Variants in FADS1 observed in about 807,000 individuals in gnomAD.
The protein encoded by FADS1 is acyl-CoA (8-3)-desaturase.
A neutral mutation model predicts 61.6 loss-of-function variants in FADS1; 17 were observed. The observed-to-expected ratio is 0.28, with a 90% confidence interval of 0.19 to 0.41. The LOEUF is 0.41. Ranked by LOEUF, FADS1 falls within the 10% of genes least tolerant of loss-of-function variation. FADS1 has a pLI of 1.00. For synonymous variants in FADS1, 238 were observed against 258.7 expected (o/e 0.92, Z 0.77); for missense variants, 387 against 650.9 (o/e 0.59, Z 4.41).
rs1188744884 is a variant in FADS1, at chr11:61,802,155, A to G, written c.*256T>C. On this transcript the variant is annotated 3_prime_UTR_variant, in exon 12 of 12. Transcript: ENST00000350997. The surrounding 1 kb of genome is among the most constrained non-coding windows in gnomAD (Gnocchi z 4.2). ...TTCACCAACTACCTGCATGTGCCAA[A>G]CTAGAAAAAGGAAATAATTTACACC... 1 of 490,660 alleles carries G rather than the reference A, an allele frequency of 2.0e-6. No homozygotes were observed. Among genetic ancestry groups the G allele is most frequent in the Non-Finnish European group, 3.7e-6 (1 of 270,130 alleles). 30.4% of individuals were successfully genotyped at this position (490,660 alleles called of 1,614,324 possible).
At position 61,802,317 on chromosome 11, in the gene FADS1, T is replaced by C. The variant is rs2066860996; in HGVS notation, c.*94A>G. ...GTCCCCAAACCCAACCCCCTCTGAG[T>C]ATTAAACTATAGTGGCATTGTCCCT... is the stretch of plus-strand genomic sequence containing the variant. On this transcript the variant is annotated 3_prime_UTR_variant, in exon 12 of 12. Coordinates refer to ENST00000350997, the MANE Select transcript of FADS1 (RefSeq NM_013402.7). This position sits in a 1 kb window ranked among gnomAD's most constrained non-coding sequence, Gnocchi z 4.2. 9.0e-7 allele frequency: 1 copy of C among 1,106,816 alleles called. No individual in the cohort carries two copies. Among genetic ancestry groups the C allele is most frequent in the African/African-American group, 1.6e-5 (1 of 64,382 alleles). The allele number at this position is 1,106,816 out of a possible 1,614,324, so 68.6% of individuals were successfully genotyped here.
intron 6 of FADS1, 120 bp from the exon 7 acceptor site, chr11:61,804,881 C>A: frequency 1.2e-6 from 1 of 820,780 alleles, no homozygotes. Context: ...TCCCTTCTGT[C>A]TCCCCTCCAG....
chr11:61,803,119 A>C lies in FADS1; in HGVS notation c.1249-8T>G. 6.2e-7 allele frequency: 1 copy of C among 1,613,624 alleles called. No homozygotes were observed. The highest frequency in any genetic ancestry group is 8.5e-7 in the Non-Finnish European group (1 of 1,179,576). On this transcript the variant is annotated splice_region_variant and splice_polypyrimidine_tract_variant and intron_variant, in intron 9 of 11. Coordinates refer to ENST00000350997, the MANE Select transcript of FADS1 (RefSeq NM_013402.7). The surrounding 1 kb of genome is among the most constrained non-coding windows in gnomAD (Gnocchi z 4.3). ...ATTGCATGTGGCCTGGAGCTGGCGG[A>C]AAAGGTCAGGGGAGAGCATGTTGAA...
At chr11:61,813,141 C>T (rs1363689196) in intron 2 of FADS1, 102 bp downstream of exon 2, 2 of 789,176 alleles carry the variant, frequency 2.5e-6, no homozygotes, top group East Asian at 2.4e-5. Context: ...CTACTACTGA[C>T]TGTGATTACT....
At chr11:61,810,133 A>C (rs2135938340) in intron 5 of FADS1, among the ~76,000 whole-genome samples, 2 of 150,750 alleles carry the variant, frequency 1.3e-5, no homozygotes, top group South Asian at 4.2e-4. Context: ...CTAAAAGCTC[A>C]CCAGATCTCC....
Position 61,815,460 on chromosome 11 carries a change from T to G in FADS1, c.375+1095A>C, listed in dbSNP as rs1052744470. On this transcript the variant is annotated intron_variant, in intron 1 of 11. Transcript: ENST00000350997. The surrounding 1 kb of genome is among the most constrained non-coding windows in gnomAD (Gnocchi z 6.4). ...GCTCTGCTGCGACGTTATGGGAACCTGGTGACCCGCGGCACACTCTGGGAC... is the reference window on the plus strand; with the variant it reads ...GCTCTGCTGCGACGTTATGGGAACCGGGTGACCCGCGGCACACTCTGGGAC... 6.6e-6 allele frequency: 1 copy of G among 152,278 alleles called. No homozygotes were observed. Among genetic ancestry groups the G allele is most frequent in the Non-Finnish European group, 1.5e-5 (1 of 68,110 alleles). The allele number at this position is 152,278 out of a possible 1,614,324, so 9.4% of individuals were successfully genotyped here.
intron 3 of FADS1, 116 bp from the exon 4 acceptor site, chr11:61,811,191 A>C (rs1048136407): frequency 2.4e-5 from 17 of 713,648 alleles, no homozygotes; most frequent in African/African-American, 1.4e-4. Context: ...CCTGTGATGC[A>C]CCTCAGGAGT....
In FADS1 at chr11:61,816,111, C is replaced by G. The variant is rs1170375723; in HGVS notation, c.375+444G>C. ...GGCGAGTGGAGACCGGCACCTAGGT[C>G]CAGACGCGGCTGCGCTGCCTCTCCT... is the stretch of plus-strand genomic sequence containing the variant. On this transcript the variant is annotated intron_variant, in intron 1 of 11. Transcript: ENST00000350997. The surrounding 1 kb of genome is among the most constrained non-coding windows in gnomAD (Gnocchi z 7.0). 1 of 682,040 alleles carries G rather than the reference C, an allele frequency of 1.5e-6. No homozygotes were observed. The highest frequency in any genetic ancestry group is 1.8e-5 in the African/African-American group (1 of 55,280). The allele number at this position is 682,040 out of a possible 1,614,324, so 42.2% of individuals were successfully genotyped here.
In FADS1 at chr11:61,816,191, C is replaced by T; in HGVS notation, c.375+364G>A. The T allele has an allele frequency of 2.0e-6, 3 of 1,469,552 alleles. No homozygotes were observed. The highest frequency in any genetic ancestry group is 2.8e-5 in the African/African-American group (2 of 72,336). The allele number at this position is 1,469,552 out of a possible 1,614,324, so 91.0% of individuals were successfully genotyped here. A position where few individuals can be genotyped will look rare whatever the true frequency, so the allele number is the denominator to read the frequency against. ...CCTGGCCACTGACCCCCTCCCTCCC[C>T]AGGCGGCCTGCATCCTTGCTCTCCT... On this transcript the variant is annotated intron_variant, in intron 1 of 11. Coordinates refer to ENST00000350997, the MANE Select transcript of FADS1 (RefSeq NM_013402.7). The surrounding 1 kb of genome is among the most constrained non-coding windows in gnomAD (Gnocchi z 7.0).
Position 61,816,545 on chromosome 11 carries a change from C to T in FADS1, c.375+10G>A. The T allele has an allele frequency of 6.2e-7, 1 of 1,600,426 alleles. No homozygotes were observed. Among genetic ancestry groups the T allele is most frequent in the Non-Finnish European group, 8.5e-7 (1 of 1,174,662 alleles). On this transcript the variant is annotated intron_variant, in intron 1 of 11. Transcript: ENST00000350997. The surrounding 1 kb of genome is among the most constrained non-coding windows in gnomAD (Gnocchi z 7.0). ...CGCCCTCTCCTGTGCCCCCGCCTGG[C>T]TGCGCTCACCGTGGCATCCTGCCCG...
Position 61,812,505 on chromosome 11 carries a change from A to C in FADS1, c.650T>G (p.Phe217Cys). The C allele has an allele frequency of 1.2e-6, 2 of 1,614,036 alleles. No homozygotes were observed. Among genetic ancestry groups the C allele is most frequent in the East Asian group, 2.2e-5 (1 of 44,876 alleles). ...LWVFGTSFLP[F>C]LLCAVLLSAV... is the part of the protein sequence containing the mutation. ...ACTGAGCAGCACCGCACAGAGGAGGAAGGGCAAAAAGGACGTCCCAAAGAC... is the reference window on the plus strand; with the variant it reads ...ACTGAGCAGCACCGCACAGAGGAGGCAGGGCAAAAAGGACGTCCCAAAGAC... Residue 217 changes from phenylalanine (F) to cysteine (C), a missense_variant, in exon 3 of 12, where the codon TTC becomes TGC. Phe to Cys is a radical substitution (Grantham distance 205). Around this residue, in one of 2 missense-constraint regions of FADS1, gnomAD observed 257 missense variants for 533.3 expected, o/e 0.48. Coordinates refer to ENST00000350997, the MANE Select transcript of FADS1 (RefSeq NM_013402.7).
Position 61,816,677 on chromosome 11 carries a change from G to C in FADS1, c.253C>G (p.Arg85Gly). The C allele has an allele frequency of 6.3e-7, 1 of 1,591,932 alleles. No individual in the cohort carries two copies. ...RYFTWDEVAQ[R>G]SGCEERWLVI... ...AGCCACCGCTCCTCGCACCCTGAGC[G>C]CTGGGCCACCTCGTCCCAGGTGAAG... is the stretch of plus-strand genomic sequence containing the variant. Residue 85 changes from arginine (R) to glycine (G), a missense_variant, in exon 1 of 12, where the codon CGC becomes GGC. Physicochemically the swap from Arg to Gly is moderately radical, Grantham distance 125. This residue lies in a region of FADS1 where 257 missense variants were observed against 533.3 expected (regional missense o/e 0.48). Coordinates refer to ENST00000350997, the MANE Select transcript of FADS1 (RefSeq NM_013402.7). The surrounding 1 kb of genome is among the most constrained non-coding windows in gnomAD (Gnocchi z 7.0).
In FADS1 at chr11:61,815,303, G is replaced by C. The variant is rs549627809; in HGVS notation, c.375+1252C>G. 6.2e-6 allele frequency: 1 copy of C among 162,468 alleles called. No individual in the cohort carries two copies. The highest frequency in any genetic ancestry group is 1.5e-5 in the Non-Finnish European group (1 of 68,266). 10.1% of individuals were successfully genotyped at this position (162,468 alleles called of 1,614,324 possible). A position where few individuals can be genotyped will look rare whatever the true frequency, so the allele number is the denominator to read the frequency against. On this transcript the variant is annotated intron_variant, in intron 1 of 11. Transcript: ENST00000350997. The surrounding 1 kb of genome is among the most constrained non-coding windows in gnomAD (Gnocchi z 6.4). Reference sequence around the variant, plus strand: ...CCTGTTTCGTCTGCGCATGCGCCGGGACACGCCTGCGCCCTTGGCCGCAGT... The same window carrying C: ...CCTGTTTCGTCTGCGCATGCGCCGGCACACGCCTGCGCCCTTGGCCGCAGT...
rs2066865172 is a variant in FADS1 at position 61,802,738 on chromosome 11, TCATTTC to T, written c.1454+57_1454+62del. ...TGTTCACTCCCCACCCTACATGTCA[TCATTTC>T]CATTGCCCTGCCCTCTTCCCTCCCT... On this transcript the variant is annotated intron_variant, in intron 11 of 11. Transcript: ENST00000350997. This position sits in a 1 kb window ranked among gnomAD's most constrained non-coding sequence, Gnocchi z 4.2. The T allele has an allele frequency of 6.2e-7, 1 of 1,606,928 alleles. No individual in the cohort carries two copies. Among genetic ancestry groups the T allele is most frequent in the Admixed American group, 1.7e-5 (1 of 60,006 alleles).
rs368608195 is a variant in FADS1 at position 61,806,653 on chromosome 11, G to A, written c.976+11C>T. Reference sequence around the variant, plus strand: ...TGAGGCAGCTCCCCTGTGTTGGATGGGGACACTCACTTAGGAAGAAGTATT... The same window carrying A: ...TGAGGCAGCTCCCCTGTGTTGGATGAGGACACTCACTTAGGAAGAAGTATT... On this transcript the variant is annotated intron_variant, in intron 6 of 11. Coordinates refer to ENST00000350997, the MANE Select transcript of FADS1 (RefSeq NM_013402.7). The A allele has an allele frequency of 5.0e-6, 8 of 1,612,152 alleles. No homozygotes were observed. The South Asian group carries it at 6.6e-5, about 13-fold the overall frequency.
At position 61,800,803 on chromosome 11, in the gene FADS1, G is replaced by C. The variant is rs2066851226; in HGVS notation, c.*1608C>G. On this transcript the variant is annotated 3_prime_UTR_variant, in exon 12 of 12. Coordinates refer to ENST00000350997, the MANE Select transcript of FADS1 (RefSeq NM_013402.7). ...TGGAAGCAAAGGCTGTGGGTTGGAG[G>C]GGGAAGCGGGTGTGAGGGCTGATGA... is the stretch of plus-strand genomic sequence containing the variant. The C allele has an allele frequency of 6.6e-6, 1 of 152,450 alleles. No individual in the cohort carries two copies. The highest frequency in any genetic ancestry group is 2.4e-5 in the African/African-American group (1 of 41,456). The allele number at this position is 152,450 out of a possible 1,614,324, so 9.4% of individuals were successfully genotyped here.
rs918736518 is a variant in FADS1, at chr11:61,799,681, T to C, written c.*2730A>G. On this transcript the variant is annotated 3_prime_UTR_variant, in exon 12 of 12. Transcript: ENST00000350997. Reference sequence around the variant, plus strand: ...CTTCATAGGGATGTGATAACAAAATTGGCACACACAAAAAGAATACTGATA... The same window carrying C: ...CTTCATAGGGATGTGATAACAAAATCGGCACACACAAAAAGAATACTGATA... 7 of 152,324 alleles carry C rather than the reference T, an allele frequency of 4.6e-5. No homozygotes were observed. Among genetic ancestry groups the C allele is most frequent in the African/African-American group, 1.4e-4 (6 of 41,448 alleles). 9.4% of individuals were successfully genotyped at this position (152,324 alleles called of 1,614,324 possible).
At chr11:61,805,848 A>G (rs1178281407) in intron 6 of FADS1, 1 of 152,204 alleles carries the variant, frequency 6.6e-6, no homozygotes, top group Non-Finnish European at 1.5e-5. Flanking sequence ...GGATGGTCCC[A>G]CCTCAGTTTC....
chr11:61,813,610 CAATCAGTGCTCTATAAAATGGACA>C (rs1565321212), intron 1 of FADS1: 2 of 450,364 alleles, frequency 4.4e-6, no homozygotes, highest in African/African-American at 4.1e-5. Context: ...TAAAATGGAC[CAATCAGTGCTCTATAAAATGGACA>C]AATCAGCAGG....
Sources: allele counts gnomAD v4.1 joint callset (sites outside exome capture counted in the v4.1 genomes callset), GRCh38; gene constraint gnomAD v4.1.1; regional missense constraint gnomAD v4.1.1; non-coding constraint Gnocchi (gnomAD v3.1); transcripts MANE v1.5; gene names NCBI Gene and HGNC (gene_info 2026-07-23, HGNC 2026-07-21).